The following SLC4A4 variants were observed in gnomAD, a reference collection of about 807,000 sequenced individuals.
SLC4A4 encodes solute carrier family 4 member 4.
Under a neutral mutation model 111.5 loss-of-function variants are expected in SLC4A4, and 27 were observed. The observed-to-expected ratio is 0.24, with a 90% CI of 0.18 to 0.33. The LOEUF (loss-of-function observed/expected upper bound fraction) is 0.33. Among genes scored for constraint, SLC4A4 ranks in the 10% least tolerant of loss-of-function variants. SLC4A4 has a pLI of 1.00. For missense variants in SLC4A4, 909 were observed against 1,315.5 expected, an observed-to-expected ratio of 0.69 and a Z score of 4.78; for synonymous variants, 443 against 463.4, an observed-to-expected ratio of 0.96 and a Z score of 0.57.
upstream of SLC4A4, among the ~76,000 whole-genome samples, chr4:71,185,660 G>C (rs1266950085): frequency 6.6e-6 from 1 of 152,124 alleles, no homozygotes; most frequent in Non-Finnish European, 1.5e-5. Context: ...AAAGACACAG[G>C]CTCCATACCT....
chr4:71,337,312 T>TG (rs1328307834), intron 3 of SLC4A4, among the ~76,000 whole-genome samples: 2 of 152,306 alleles, frequency 1.3e-5, no homozygotes, highest in African/African-American at 4.8e-5. Context: ...ATTCCTAGCT[T>TG]TATTTTATAG....
At chr4:71,500,418 T>C (rs1408487977) in intron 16 of SLC4A4, among the ~76,000 whole-genome samples, 2 of 152,190 alleles carry the variant, frequency 1.3e-5, no homozygotes, top group African/African-American at 4.8e-5. Context: ...GCTTTTCCTT[T>C]ATGTTTTCTT....
chr4:71,089,069 A>G (rs1249976462), intron 1 of SLC4A4, among the ~76,000 whole-genome samples: 1 of 152,058 alleles, frequency 6.6e-6, no homozygotes, highest in Non-Finnish European at 1.5e-5. Flanking sequence ...GTCTTTTCAC[A>G]TAGTCCCATA....
intron 3 of SLC4A4, among the ~76,000 whole-genome samples, chr4:71,305,837 A>G (rs1484532430): frequency 6.6e-6 from 1 of 152,214 alleles, no homozygotes; most frequent in Non-Finnish European, 1.5e-5. Context: ...AGACAGACAT[A>G]TGAAGATTTT....
chr4:71,494,379 T>C (rs1730208555), intron 15 of SLC4A4, among the ~76,000 whole-genome samples: 1 of 151,926 alleles, frequency 6.6e-6, no homozygotes, highest in Non-Finnish European at 1.5e-5. Context: ...AGCGGCACAA[T>C]CATAGCTCAC....
intron 2 of SLC4A4, among the ~76,000 whole-genome samples, chr4:71,140,966 G>C (rs907987253): frequency 6.6e-6 from 1 of 152,156 alleles, no homozygotes; most frequent in African/African-American, 2.4e-5. Context: ...AATTAAGCTA[G>C]TTAACATATC....
At position 71,293,389 on chromosome 4, in the gene SLC4A4, C is replaced by A. The variant is rs531599112; in HGVS notation, c.253+37990C>A. On this transcript the variant is annotated intron_variant, in intron 3 of 25. Transcript: ENST00000264485. The stretch of plus-strand genomic sequence containing the variant: ...GACCAGCCTGGGCAACATGTGAAAC[C>A]CAGTCTCTACTAAAAATACCAAAAT... 3.3e-5 allele frequency among the ~76,000 whole-genome samples: 5 copies of A among 151,234 alleles called. No individual in the cohort carries two copies. In the East Asian group the frequency reaches 1.0e-3, roughly 30 times the overall value.
At chr4:71,555,624 A>G (rs1176796639) in intron 21 of SLC4A4, among the ~76,000 whole-genome samples, 1 of 151,946 alleles carries the variant, frequency 6.6e-6, no homozygotes, top group African/African-American at 2.4e-5. Flanking sequence ...TCACATGGCT[A>G]TGATCAATAA....
At chr4:71,319,715 G>A (rs181526767) in intron 3 of SLC4A4, among the ~76,000 whole-genome samples, 60 of 152,008 alleles carry the variant, frequency 3.9e-4, no homozygotes, top group African/African-American at 8.4e-4. Flanking sequence ...AGCCAGAATC[G>A]CAAAATTTGA....
At chr4:71,089,504 T>A (rs980927556) in intron 1 of SLC4A4, among the ~76,000 whole-genome samples, 1 of 152,092 alleles carries the variant, frequency 6.6e-6, no homozygotes, top group Non-Finnish European at 1.5e-5. Flanking sequence ...TTTTCTGCTC[T>A]GTTTTTTCCC....
intron 2 of SLC4A4, among the ~76,000 whole-genome samples, chr4:71,133,492 C>T (rs1743763999): frequency 6.6e-6 from 1 of 152,142 alleles, no homozygotes; most frequent in African/African-American, 2.4e-5. Context: ...GGCAGGATTC[C>T]CAGGTTCTTC....
intron 3 of SLC4A4, chr4:71,339,159 C>G (rs573472300): frequency 6.2e-7 from 1 of 1,613,080 alleles, no homozygotes; most frequent in East Asian, 2.2e-5. Context: ...TGGTGGAGAA[C>G]CAAGATACAG....
chr4:71,393,170 G>A (rs980728063), intron 6 of SLC4A4, among the ~76,000 whole-genome samples: 4 of 152,048 alleles, frequency 2.6e-5, no homozygotes, highest in African/African-American at 7.2e-5. Context: ...CCTAGCCAGA[G>A]CAATCAGACA....
At chr4:71,350,153 C>A in intron 5 of SLC4A4, 81 bp downstream of exon 5, 1 of 1,344,670 alleles carries the variant, frequency 7.4e-7, no homozygotes, top group Non-Finnish European at 1.1e-6. Flanking sequence ...ATGACTAGTA[C>A]TGTAAGCAGA....
intron 4 of SLC4A4, among the ~76,000 whole-genome samples, chr4:71,345,363 A>C (rs2067558): frequency 6.6e-6 from 1 of 152,074 alleles, no homozygotes; most frequent in Admixed American, 6.6e-5. Context: ...CTCTGCAAAA[A>C]TGATTATTAG....
At chr4:71,108,030 C>G (rs1742992340) in intron 2 of SLC4A4, among the ~76,000 whole-genome samples, 1 of 152,162 alleles carries the variant, frequency 6.6e-6, no homozygotes, top group East Asian at 1.9e-4. Flanking sequence ...ACCATATTAA[C>G]TTCAATAACA....
intron 8 of SLC4A4, among the ~76,000 whole-genome samples, chr4:71,443,116 C>CTCTCTATATATATA (rs1198759861): frequency 1.2e-4 from 8 of 65,652 alleles, no homozygotes; most frequent in East Asian, 5.5e-4. Flanking sequence ...CTCTCTCTCT[C>CTCTCTATATATATA]TATATATATA....
At chr4:71,235,332 G>A (rs141611959) in intron 1 of SLC4A4, among the ~76,000 whole-genome samples, 25 of 152,266 alleles carry the variant, frequency 1.6e-4, no homozygotes, top group South Asian at 4.1e-4. Flanking sequence ...ATGCACATCC[G>A]CATAGATTAT....
intron 3 of SLC4A4, among the ~76,000 whole-genome samples, chr4:71,326,396 GCTGAAC>G (rs1727505239): frequency 1.3e-5 from 2 of 152,044 alleles, no homozygotes; most frequent in South Asian, 4.1e-4. Flanking sequence ...TGAGTAATTT[GCTGAAC>G]CTCTCTGAGC....
Sources: allele counts gnomAD v4.1 joint callset (sites outside exome capture counted in the v4.1 genomes callset), GRCh38; gene constraint gnomAD v4.1.1; transcripts MANE v1.5; gene names NCBI Gene and HGNC (gene_info 2026-07-23, HGNC 2026-07-21).